Variants in PGGT1B observed in about 807,000 individuals in gnomAD.
PGGT1B encodes protein geranylgeranyltransferase type I subunit beta.
In PGGT1B, 30 loss-of-function variants were observed where a neutral mutation model predicts 46.1. That is an observed-to-expected ratio of 0.65 (90% CI 0.49 to 0.88). PGGT1B has a LOEUF of 0.88. Ranked by LOEUF, PGGT1B falls within the 40% of genes least tolerant of loss-of-function variation. PGGT1B has a pLI of 0.00. For synonymous variants in PGGT1B, 170 were observed against 160.0 expected, an observed-to-expected ratio of 1.06 and a Z score of -0.47; for missense variants, 376 against 455.9, an observed-to-expected ratio of 0.82 and a Z score of 1.60.
At position 115,205,072 on chromosome 5, in the gene PGGT1B, T is replaced by A. The variant is rs1371847523; in HGVS notation, c.*7330A>T. ...TTGCACTTTATCAAATCGATTTTAG[T>A]GATTGTTTTCCTTCAATCTTTAGAG... On this transcript the variant is annotated 3_prime_UTR_variant, in exon 9 of 9. Coordinates refer to ENST00000419445, the MANE Select transcript of PGGT1B (RefSeq NM_005023.4). 6.6e-6 allele frequency: 1 copy of A among 152,324 alleles called. No individual in the cohort carries two copies. Among genetic ancestry groups the A allele is most frequent in the East Asian group, 1.9e-4 (1 of 5,182 alleles). The allele number at this position is 152,324 out of a possible 1,614,324, so 9.4% of individuals were successfully genotyped here.
At chr5:115,238,286 T>G (rs1757245125) in intron 3 of PGGT1B, among the ~76,000 whole-genome samples, 1 of 145,614 alleles carries the variant, frequency 6.9e-6, no homozygotes, top group East Asian at 2.0e-4. Flanking sequence ...TACTTATTTT[T>G]TTGGATTTTT....
intron 2 of PGGT1B, among the ~76,000 whole-genome samples, chr5:115,251,657 C>T (rs73257411): frequency 6.6e-6 from 1 of 151,888 alleles, no homozygotes; most frequent in Non-Finnish European, 1.5e-5. Context: ...AAGACAATAG[C>T]TATTTTATTT....
Position 115,212,585 on chromosome 5 carries a change from T to C in PGGT1B, c.953-2A>G. 6.3e-7 allele frequency: 1 copy of C among 1,594,176 alleles called. No individual in the cohort carries two copies. The highest frequency in any genetic ancestry group is 8.5e-7 in the Non-Finnish European group (1 of 1,170,478). The stretch of plus-strand genomic sequence containing the variant: ...TCCCAAAGTATGCATGCAAAGCATC[T>C]GAAAAGAAGGCATTTAAAACATCAT... On this transcript the variant is annotated splice_acceptor_variant, in intron 8 of 8. Coordinates refer to ENST00000419445, the MANE Select transcript of PGGT1B (RefSeq NM_005023.4). LOFTEE classifies it high-confidence loss of function.
chr5:115,233,646 G>A lies in PGGT1B; in HGVS notation c.613-2625C>T, dbSNP rs575014276. The stretch of plus-strand genomic sequence containing the variant: ...TGCAGTCTGGATTTGTATGGCCCTC[G>A]AGTTAAGAAAATGGTCAATTACACT... On this transcript the variant is annotated intron_variant, in intron 5 of 8. Transcript: ENST00000419445. 6.0e-5 allele frequency among the ~76,000 whole-genome samples: 9 copies of A among 150,464 alleles called. No homozygotes were observed. The South Asian group carries it at 6.3e-4, about 11-fold the overall frequency.
chr5:115,207,117 G>C lies in PGGT1B; in HGVS notation c.*5285C>G, dbSNP rs1048550966. 6.4e-5 allele frequency: 9 copies of C among 141,632 alleles called. No homozygotes were observed. Among genetic ancestry groups the C allele is most frequent in the African/African-American group, 2.3e-4 (9 of 38,326 alleles). 8.8% of individuals were successfully genotyped at this position (141,632 alleles called of 1,614,324 possible). A position where few individuals can be genotyped will look rare whatever the true frequency, so the allele number is the denominator to read the frequency against. ...CACATTAAGTTTTCTTTTTACTTTTGCTATCACAAAGGTGGTCTTCTCTTC... is the reference window on the plus strand; with the variant it reads ...CACATTAAGTTTTCTTTTTACTTTTCCTATCACAAAGGTGGTCTTCTCTTC... On this transcript the variant is annotated 3_prime_UTR_variant, in exon 9 of 9. Transcript: ENST00000419445.
rs1199425681 is a variant in PGGT1B, at chr5:115,209,392, TCA to T, written c.*3008_*3009del. ...GAGATTCTGTAGTCACTTCCCAGTT[TCA>T]GTGTCTGTTCTTAGATTGGCCCGCT... On this transcript the variant is annotated 3_prime_UTR_variant, in exon 9 of 9. Transcript: ENST00000419445. 1.3e-5 allele frequency: 2 copies of T among 152,160 alleles called. No homozygotes were observed. The highest frequency in any genetic ancestry group is 1.5e-5 in the Non-Finnish European group (1 of 68,024). 9.4% of individuals were successfully genotyped at this position (152,160 alleles called of 1,614,324 possible). A position where few individuals can be genotyped will look rare whatever the true frequency, so the allele number is the denominator to read the frequency against.
chr5:115,229,452 C>G (rs1282783184), intron 6 of PGGT1B, among the ~76,000 whole-genome samples: 1 of 152,112 alleles, frequency 6.6e-6, no homozygotes, highest in Non-Finnish European at 1.5e-5. Flanking sequence ...AACTATAGCC[C>G]ATCACTGATG....
At chr5:115,259,465 G>A (rs1246907832) in intron 1 of PGGT1B, among the ~76,000 whole-genome samples, 3 of 152,134 alleles carry the variant, frequency 2.0e-5, no homozygotes, top group African/African-American at 4.8e-5. Context: ...CGAGGCGGGC[G>A]GATCACAAGG....
Position 115,261,628 on chromosome 5 carries a change from T to C in PGGT1B, c.140+1084A>G, listed in dbSNP as rs534269828. ...GTCCTAAGTATAGAGGTAAACAAGA[T>C]AGACGAAAATGTTACCTTTGTGAAG... On this transcript the variant is annotated intron_variant, in intron 1 of 8. Coordinates refer to ENST00000419445, the MANE Select transcript of PGGT1B (RefSeq NM_005023.4). Among the ~76,000 whole-genome samples, 9 of 152,280 alleles carry C rather than the reference T, an allele frequency of 5.9e-5. No homozygotes were observed. In the South Asian group the frequency reaches 1.7e-3, roughly 28 times the overall value.
At chr5:115,248,240 T>C (rs1747938708) in intron 2 of PGGT1B, among the ~76,000 whole-genome samples, 1 of 152,164 alleles carries the variant, frequency 6.6e-6, no homozygotes, top group Non-Finnish European at 1.5e-5. Context: ...GAAAAATCTG[T>C]ACCTCACAGA....
At chr5:115,237,813 A>T in intron 4 of PGGT1B, 45 bp downstream of exon 4, 1 of 1,541,768 alleles carries the variant, frequency 6.5e-7, no homozygotes. Flanking sequence ...TAGTTCCAAT[A>T]TATTTTTGTT....
chr5:115,246,066 C>G (rs1747819847), intron 2 of PGGT1B, among the ~76,000 whole-genome samples: 1 of 152,072 alleles, frequency 6.6e-6, no homozygotes, highest in African/African-American at 2.4e-5. Context: ...TTTTTCACCA[C>G]TTAGGCCGGG....
At position 115,209,615 on chromosome 5, in the gene PGGT1B, A is replaced by G. The variant is rs1192104609; in HGVS notation, c.*2787T>C. ...TAGCGTTGTAATAGTGTCTGTGGCT[A>G]TCCTAGTTGCTCTGTATTCTTATGG... On this transcript the variant is annotated 3_prime_UTR_variant, in exon 9 of 9. Coordinates refer to ENST00000419445, the MANE Select transcript of PGGT1B (RefSeq NM_005023.4). 1 of 152,114 alleles carries G rather than the reference A, an allele frequency of 6.6e-6. No homozygotes were observed. The highest frequency in any genetic ancestry group is 2.4e-5 in the African/African-American group (1 of 41,430). The allele number at this position is 152,114 out of a possible 1,614,324, so 9.4% of individuals were successfully genotyped here. A position where few individuals can be genotyped will look rare whatever the true frequency, so the allele number is the denominator to read the frequency against.
chr5:115,245,161 T>C (rs1024982586), intron 2 of PGGT1B, among the ~76,000 whole-genome samples: 2 of 152,204 alleles, frequency 1.3e-5, no homozygotes, highest in East Asian at 1.9e-4. Context: ...GACACCTTTG[T>C]TGAGTACCCC....
chr5:115,235,618 T>C (rs557722958), intron 5 of PGGT1B, among the ~76,000 whole-genome samples: 85 of 152,236 alleles, frequency 5.6e-4, no homozygotes, highest in African/African-American at 1.7e-3. Flanking sequence ...CCAAAAATTC[T>C]TATCACCCAC....
chr5:115,248,575 A>G (rs1314925452), intron 2 of PGGT1B, among the ~76,000 whole-genome samples: 1 of 152,218 alleles, frequency 6.6e-6, no homozygotes, highest in East Asian at 1.9e-4. Context: ...CAGTGGTCTC[A>G]CCATACACTT....
intron 5 of PGGT1B, among the ~76,000 whole-genome samples, chr5:115,235,190 C>A (rs1269109462): frequency 6.6e-6 from 1 of 151,988 alleles, no homozygotes; most frequent in Non-Finnish European, 1.5e-5. Context: ...CTAGGACAAT[C>A]TGAGCATCAA....
Position 115,229,803 on chromosome 5 carries a change from T to C in PGGT1B, c.658+1173A>G, listed in dbSNP as rs77652460. ...GTGATGACTAGTAACATAATTGTTA[T>C]TGCCAGCTCCTCCCACCCTCCATCT... On this transcript the variant is annotated intron_variant, in intron 6 of 8. Coordinates refer to ENST00000419445, the MANE Select transcript of PGGT1B (RefSeq NM_005023.4). Among the ~76,000 whole-genome samples, 1,510 of 152,182 alleles carry C rather than the reference T, an allele frequency of 9.9e-3. 26 individuals are homozygous for C. The highest frequency in any genetic ancestry group is 0.034 in the African/African-American group (1,432 of 41,536).
rs1277550842 is a variant in PGGT1B, at chr5:115,212,213, C to A, written c.*189G>T. On this transcript the variant is annotated 3_prime_UTR_variant, in exon 9 of 9. Transcript: ENST00000419445. ...CACGACAAAGTTGTGGTTCAAACTTCAACAAAGATTTTCTTGAAACCCAGT... is the reference window on the plus strand; with the variant it reads ...CACGACAAAGTTGTGGTTCAAACTTAAACAAAGATTTTCTTGAAACCCAGT... 1.9e-6 allele frequency: 2 copies of A among 1,073,680 alleles called. No individual in the cohort carries two copies. The highest frequency in any genetic ancestry group is 3.3e-5 in the African/African-American group (2 of 61,512). The allele number at this position is 1,073,680 out of a possible 1,614,324, so 66.5% of individuals were successfully genotyped here.
Sources: gnomAD v4.1 joint callset for allele counts (sites outside exome capture counted in the v4.1 genomes callset) on GRCh38, gnomAD v4.1.1 for gene constraint, MANE v1.5 for transcripts, NCBI Gene and HGNC (gene_info 2026-07-23, HGNC 2026-07-21) for gene names.